Variants in IFI27L1 observed in about 807,000 individuals in gnomAD.
IFI27L1 encodes the protein interferon alpha-inducible protein 27-like protein 1.
A neutral mutation model predicts 9.2 loss-of-function variants in IFI27L1; 3 were observed. That is an observed-to-expected ratio of 0.32 (90% confidence interval 0.15 to 0.84). The LOEUF (loss-of-function observed/expected upper bound fraction) is 0.84. Among genes scored for constraint, IFI27L1 ranks in the 40% least tolerant of loss-of-function variants. The probability of loss-of-function intolerance (pLI) is 0.56; values close to 1 mark genes in which losing one functional copy is unlikely to be tolerated. For missense variants in IFI27L1, 133 were observed against 134.2 expected, an observed-to-expected ratio of 0.99 and a Z score of 0.05; for synonymous variants, 53 against 50.0, an observed-to-expected ratio of 1.06 and a Z score of -0.26.
rs992474901 is a variant in IFI27L1 at position 94,088,294 on chromosome 14, G to A, written c.-52+6845G>A. 1.0e-5 allele frequency: 7 copies of A among 702,218 alleles called. No individual in the cohort carries two copies. In the African/African-American group the frequency reaches 1.0e-4, roughly 11 times the overall value. 43.5% of individuals were successfully genotyped at this position (702,218 alleles called of 1,614,324 possible). A position where few individuals can be genotyped will look rare whatever the true frequency, so the allele number is the denominator to read the frequency against. ...ATCCATTTCTTACGTTACTATGCGA[G>A]ATGCAGAAGGTAAGTTTTCATTTTA... On this transcript the variant is annotated intron_variant, in intron 1 of 4. Transcript: ENST00000555523.
intron 1 of IFI27L1, among the ~76,000 whole-genome samples, chr14:94,089,959 T>G (rs1886415279): frequency 1.3e-5 from 2 of 152,216 alleles, no homozygotes; most frequent in Admixed American, 6.5e-5. Flanking sequence ...GGAAGATTAG[T>G]AAGTGTTCAA....
At chr14:94,093,203 G>A (rs1182963453) in intron 1 of IFI27L1, among the ~76,000 whole-genome samples, 2 of 121,520 alleles carry the variant, frequency 1.6e-5, no homozygotes, top group African/African-American at 6.6e-5. Context: ...GTCTTGCTCT[G>A]TCACCCAGGC....
chr14:94,087,228 G>A (rs989177151), intron 1 of IFI27L1, among the ~76,000 whole-genome samples: 1 of 152,116 alleles, frequency 6.6e-6, no homozygotes, highest in African/African-American at 2.4e-5. Flanking sequence ...CCAGTCTGAG[G>A]TTGGGCAGGT....
intron 1 of IFI27L1, among the ~76,000 whole-genome samples, chr14:94,086,937 A>G (rs970137120): frequency 6.6e-6 from 1 of 152,216 alleles, no homozygotes. Context: ...CAACCTAAAT[A>G]ACAAACAGAG....
chr14:94,089,585 G>T (rs747435449), intron 1 of IFI27L1, among the ~76,000 whole-genome samples: 45 of 152,182 alleles, frequency 3.0e-4, no homozygotes, highest in Non-Finnish European at 5.7e-4. Flanking sequence ...CATGGTCTTT[G>T]TGAACTGTAT....
rs533076304 is a variant in IFI27L1, at chr14:94,098,054, G to A, written c.28+1089G>A. Among the ~76,000 whole-genome samples the A allele has an allele frequency of 8.5e-5, 13 of 152,310 alleles. No individual in the cohort carries two copies. The South Asian group carries it at 2.7e-3, about 32-fold the overall frequency. ...CTGAGTTCAGGGAGAGGGGCTGAAT[G>A]AGACTGAGAAGGAGAGGCTAGTATG... On this transcript the variant is annotated intron_variant, in intron 2 of 4. Coordinates refer to ENST00000555523, the MANE Select transcript of IFI27L1 (RefSeq NM_206949.3).
At chr14:94,090,594 G>T (rs1293644405) in intron 1 of IFI27L1, among the ~76,000 whole-genome samples, 1 of 152,170 alleles carries the variant, frequency 6.6e-6, no homozygotes, top group Non-Finnish European at 1.5e-5. Context: ...CTCCTTAAGA[G>T]GTTTCAAGAT....
intron 1 of IFI27L1, among the ~76,000 whole-genome samples, chr14:94,092,026 T>G (rs1269949255): frequency 6.6e-6 from 1 of 151,550 alleles, no homozygotes; most frequent in African/African-American, 2.4e-5. Flanking sequence ...CTTGGGAGGC[T>G]GAGTCAGGAG....
chr14:94,101,949 G>T lies in IFI27L1; in HGVS notation c.197G>T (p.Ser66Ile), dbSNP rs749123532. ...AACGGGGGCGGAGTTGCTGCTGGCA[G>T]TCTGGTGGCTATTCTGCAGTCAGTG... is the stretch of plus-strand genomic sequence containing the variant. ...IANGGGVAAG[S>I]LVAILQSVGA... Residue 66 changes from serine to isoleucine, a missense_variant, in exon 4 of 5, where the codon AGT (serine) becomes ATT (isoleucine). Ser to Ile is a moderately radical substitution (Grantham distance 142). Transcript: ENST00000555523. 1 of 1,614,266 alleles carries T rather than the reference G, an allele frequency of 6.2e-7. No homozygotes were observed. Among genetic ancestry groups the T allele is most frequent in the Non-Finnish European group, 8.5e-7 (1 of 1,180,050 alleles).
intron 1 of IFI27L1, among the ~76,000 whole-genome samples, chr14:94,094,513 C>G (rs1463198406): frequency 1.3e-5 from 2 of 152,030 alleles, no homozygotes; most frequent in Admixed American, 6.6e-5. Flanking sequence ...AATAATTCAG[C>G]AAAAGACTTT....
In IFI27L1 at chr14:94,081,376, GGGAAAAGGCC is replaced by G. The variant is rs1288371440; in HGVS notation, c.-121_-112del. 6.6e-6 allele frequency: 1 copy of G among 152,366 alleles called. No homozygotes were observed. The highest frequency in any genetic ancestry group is 1.9e-4 in the East Asian group (1 of 5,168). 9.4% of individuals were successfully genotyped at this position (152,366 alleles called of 1,614,324 possible). A position where few individuals can be genotyped will look rare whatever the true frequency, so the allele number is the denominator to read the frequency against. On this transcript the variant is annotated 5_prime_UTR_variant, in exon 1 of 5. Coordinates refer to ENST00000555523, the MANE Select transcript of IFI27L1 (RefSeq NM_206949.3). ...CTTACAGCTTTACTCCTGCCAGCTT[GGGAAAAGGCC>G]GGAGAAGGTGAAATTCTGTGTGCTC...
intron 1 of IFI27L1, among the ~76,000 whole-genome samples, chr14:94,083,590 T>A (rs1226434170): frequency 6.6e-6 from 1 of 152,052 alleles, no homozygotes; most frequent in Non-Finnish European, 1.5e-5. Context: ...ACCACCCTAA[T>A]CAATCAGCTG....
chr14:94,088,328 G>C, intron 1 of IFI27L1: 1 of 702,242 alleles, frequency 1.4e-6, no homozygotes, highest in Non-Finnish European at 2.6e-6. Flanking sequence ...TACTGGCATA[G>C]ATGCCCCAGA....
intron 3 of IFI27L1, 27 bp downstream of exon 3, chr14:94,100,798 GC>G (rs1252101721): frequency 1.9e-6 from 3 of 1,612,656 alleles, no homozygotes; most frequent in Non-Finnish European, 1.7e-6. Flanking sequence ...AGGAACTCAA[GC>G]CCCCATCCCC....
At chr14:94,098,859 T>C (rs1476815241) in intron 2 of IFI27L1, among the ~76,000 whole-genome samples, 1 of 152,180 alleles carries the variant, frequency 6.6e-6, no homozygotes, top group African/African-American at 2.4e-5. Context: ...CCCTGTGAGG[T>C]GGCTGCTCTC....
chr14:94,093,417 C>T lies in IFI27L1; in HGVS notation c.-51-3470C>T, dbSNP rs554434449. On this transcript the variant is annotated intron_variant, in intron 1 of 4. Coordinates refer to ENST00000555523, the MANE Select transcript of IFI27L1 (RefSeq NM_206949.3). ...CGATCTCCTGACCTCGTGATCCGCC[C>T]GCCTCAGCCTTCCAAATTGTTGGGA... Among the ~76,000 whole-genome samples, 128 of 152,212 alleles carry T rather than the reference C, an allele frequency of 8.4e-4. 4 individuals carry two copies. In the East Asian group the frequency reaches 0.024, roughly 28 times the overall value.
rs1320500767 is a variant in IFI27L1, at chr14:94,091,454, C to T, written c.-51-5433C>T. Among the ~76,000 whole-genome samples the T allele has an allele frequency of 2.0e-5, 3 of 152,236 alleles. No individual in the cohort carries two copies. In the East Asian group the frequency reaches 5.8e-4, roughly 29 times the overall value. Reference sequence around the variant, plus strand: ...AAATACAGCCAAGAAAGCCAAACACCCAACCATTTCATATTTAACCATGCT... The same window carrying T: ...AAATACAGCCAAGAAAGCCAAACACTCAACCATTTCATATTTAACCATGCT... On this transcript the variant is annotated intron_variant, in intron 1 of 4. Transcript: ENST00000555523.
At chr14:94,100,511 A>C in intron 2 of IFI27L1, 1 of 985,416 alleles carries the variant, frequency 1.0e-6, no homozygotes, top group Non-Finnish European at 1.2e-6. Context: ...CAGAGGAGAC[A>C]GGTGACTTCT....
intron 2 of IFI27L1, among the ~76,000 whole-genome samples, chr14:94,099,493 A>G (rs546333200): frequency 2.0e-5 from 3 of 152,186 alleles, no homozygotes; most frequent in Non-Finnish European, 4.4e-5. Flanking sequence ...GGAGTGATGC[A>G]GCCACAGGCC....
Sources: allele counts gnomAD v4.1 joint callset (sites outside exome capture counted in the v4.1 genomes callset), GRCh38; gene constraint gnomAD v4.1.1; transcripts MANE v1.5; gene names NCBI Gene and HGNC (gene_info 2026-07-23, HGNC 2026-07-21).